HSD17B4: variants seen among roughly 807,000 people sequenced by gnomAD.
HSD17B4 encodes the protein hydroxysteroid 17-beta dehydrogenase 4.
HSD17B4 carries 70 observed loss-of-function variants against 101.0 expected under a neutral mutation model. That is an observed-to-expected ratio of 0.69 (90% CI 0.57 to 0.85). The LOEUF is 0.85. Ranked by LOEUF, HSD17B4 falls within the 40% of genes least tolerant of loss-of-function variation. HSD17B4 has a pLI of 0.00. For synonymous variants in HSD17B4, 347 were observed against 297.1 expected, an observed-to-expected ratio of 1.17 and a Z score of -1.73; for missense variants, 984 against 892.4, an observed-to-expected ratio of 1.10 and a Z score of -1.31.
chr5:119,481,101 T>A (rs575437036), intron 8 of HSD17B4, among the ~76,000 whole-genome samples: 1 of 152,238 alleles, frequency 6.6e-6, no homozygotes, highest in African/African-American at 2.4e-5. Context: ...ACATACATCC[T>A]CCTCGGCTGA....
intron 17 of HSD17B4, among the ~76,000 whole-genome samples, chr5:119,517,006 A>G (rs1316129025): frequency 6.6e-6 from 1 of 152,194 alleles, no homozygotes; most frequent in African/African-American, 2.4e-5. Flanking sequence ...CTTTGGCGGC[A>G]CTTGAGGAGC....
At chr5:119,534,496 C>A (rs1056704835) in intron 22 of HSD17B4, among the ~76,000 whole-genome samples, 2 of 152,024 alleles carry the variant, frequency 1.3e-5, no homozygotes, top group Non-Finnish European at 2.9e-5. Context: ...GGTTTGGGAA[C>A]TGGCATTCTT....
intron 16 of HSD17B4, among the ~76,000 whole-genome samples, chr5:119,511,888 C>T (rs115235402): frequency 0.014 from 2,168 of 152,128 alleles, 19 homozygotes; most frequent in African/African-American, 0.023. Context: ...GATGCATAGA[C>T]GGAAGAAACA....
At chr5:119,474,591 A>G in intron 4 of HSD17B4, 131 bp downstream of exon 4, 1 of 719,850 alleles carries the variant, frequency 1.4e-6, no homozygotes, top group Non-Finnish European at 2.5e-6. Context: ...TTGATTTATA[A>G]GTTAATTATT....
intron 2 of HSD17B4, among the ~76,000 whole-genome samples, chr5:119,459,385 C>G (rs1168306825): frequency 6.6e-6 from 1 of 152,172 alleles, no homozygotes; most frequent in African/African-American, 2.4e-5. Context: ...ATATGACTCA[C>G]TCTGCTCAAG....
chr5:119,517,137 CG>C (rs1752688766), intron 17 of HSD17B4, among the ~76,000 whole-genome samples: 1 of 152,098 alleles, frequency 6.6e-6, no homozygotes, highest in Non-Finnish European at 1.5e-5. Context: ...GGGCTGCGCG[CG>C]GCGCTCGCAG....
chr5:119,509,331 TG>T lies in HSD17B4; in HGVS notation c.1437+88del, dbSNP rs1751955078. 3 of 885,128 alleles carry T rather than the reference TG, an allele frequency of 3.4e-6. No homozygotes were observed. The Admixed American group carries it at 5.1e-5, about 15-fold the overall frequency. 54.8% of individuals were successfully genotyped at this position (885,128 alleles called of 1,614,324 possible). A position where few individuals can be genotyped will look rare whatever the true frequency, so the allele number is the denominator to read the frequency against. ...AGACTTGAACAGCATGAGTTTGAAC[TG>T]CATGAGCCCACTTATAGGCAAATTT... On this transcript the variant is annotated intron_variant, in intron 16 of 23. Coordinates refer to ENST00000510025, the MANE Select transcript of HSD17B4 (RefSeq NM_000414.4).
intron 2 of HSD17B4, among the ~76,000 whole-genome samples, chr5:119,465,365 G>C (rs922875098): frequency 1.3e-5 from 2 of 152,186 alleles, no homozygotes; most frequent in Non-Finnish European, 2.9e-5. Context: ...GGTGATAAGT[G>C]AGTTCTTACT....
chr5:119,507,232 A>G (rs1375185314), intron 15 of HSD17B4, among the ~76,000 whole-genome samples: 1 of 152,194 alleles, frequency 6.6e-6, no homozygotes, highest in Non-Finnish European at 1.5e-5. Flanking sequence ...TCCTCACTTG[A>G]CAATTAGGCT....
chr5:119,480,770 G>C (rs990889022), intron 8 of HSD17B4, among the ~76,000 whole-genome samples: 1 of 152,168 alleles, frequency 6.6e-6, no homozygotes, highest in Non-Finnish European at 1.5e-5. Context: ...CACCCCTGCA[G>C]TCTCAACCGT....
In HSD17B4 at chr5:119,472,943, A is replaced by G. The variant is rs138799229; in HGVS notation, c.113-965A>G. On this transcript the variant is annotated intron_variant, in intron 2 of 23. Coordinates refer to ENST00000510025, the MANE Select transcript of HSD17B4 (RefSeq NM_000414.4). ...CTTCAGAGTTTATTCATATTATCACATATTGCAGTATTTTATTCTTTTTAA... is the reference window on the plus strand; with the variant it reads ...CTTCAGAGTTTATTCATATTATCACGTATTGCAGTATTTTATTCTTTTTAA... Among the ~76,000 whole-genome samples, 371 of 152,340 alleles carry G rather than the reference A, an allele frequency of 2.4e-3. 1 individual carries two copies. Among genetic ancestry groups the G allele is most frequent in the African/African-American group, 8.8e-3 (364 of 41,574 alleles).
rs779377798 is a variant in HSD17B4, at chr5:119,499,565, A to G, written c.1209+12A>G. On this transcript the variant is annotated intron_variant, in intron 13 of 23. Transcript: ENST00000510025. ...TCAACTTTGCAAAGGTATGCCTAAT[A>G]AAAAACCTTTATTTTGCTTTTCTAT... 6.1e-5 allele frequency: 90 copies of G among 1,484,532 alleles called. No homozygotes were observed. The highest frequency in any genetic ancestry group is 6.9e-5 in the Non-Finnish European group (73 of 1,062,022). The allele number at this position is 1,484,532 out of a possible 1,614,324, so 92.0% of individuals were successfully genotyped here.
At position 119,474,388 on chromosome 5, in the gene HSD17B4, T is replaced by C; in HGVS notation, c.221-13T>C. 6.3e-7 allele frequency: 1 copy of C among 1,592,410 alleles called. No individual in the cohort carries two copies. Among genetic ancestry groups the C allele is most frequent in the Non-Finnish European group, 8.6e-7 (1 of 1,160,406 alleles). ...GGTTGCCGAAATTTCATACAAATTTTCCTTTCCCTCAGATTCAGTGGAAGA... is the reference window on the plus strand; with the variant it reads ...GGTTGCCGAAATTTCATACAAATTTCCCTTTCCCTCAGATTCAGTGGAAGA... On this transcript the variant is annotated splice_polypyrimidine_tract_variant and intron_variant, in intron 3 of 23. Transcript: ENST00000510025.
chr5:119,500,285 A>G (rs1038200483), intron 13 of HSD17B4, among the ~76,000 whole-genome samples: 3 of 152,058 alleles, frequency 2.0e-5, no homozygotes, highest in Admixed American at 6.6e-5. Flanking sequence ...TTTGTTCTGG[A>G]TAATTGGGAT....
intron 2 of HSD17B4, among the ~76,000 whole-genome samples, chr5:119,465,524 G>C (rs2126649557): frequency 6.6e-6 from 1 of 152,282 alleles, no homozygotes. Context: ...GTAGATGCTG[G>C]AGCTCTGCCT....
chr5:119,476,770 T>A (rs1748623826), intron 6 of HSD17B4: 5 of 871,792 alleles, frequency 5.7e-6, no homozygotes, highest in Non-Finnish European at 6.9e-6. Context: ...TACTCCTGAC[T>A]ACCCTTCTCC....
intron 6 of HSD17B4, 112 bp from the exon 7 acceptor site, chr5:119,477,305 T>C: frequency 1.3e-6 from 1 of 763,838 alleles, no homozygotes; most frequent in Non-Finnish European, 2.2e-6. Flanking sequence ...GGCAATTTTA[T>C]ACATTAGGTA....
At chr5:119,516,503 T>C (rs778131001) in intron 17 of HSD17B4, among the ~76,000 whole-genome samples, 37 of 152,192 alleles carry the variant, frequency 2.4e-4, no homozygotes, top group Non-Finnish European at 5.0e-4. Context: ...TAGGTTTTAA[T>C]ATTTTGCTGC....
At chr5:119,532,860 A>G (rs1273781699) in intron 22 of HSD17B4, among the ~76,000 whole-genome samples, 1 of 152,122 alleles carries the variant, frequency 6.6e-6, no homozygotes, top group Non-Finnish European at 1.5e-5. Flanking sequence ...CTCTAAAAAT[A>G]AACAGTTTTT....
Sources: allele counts gnomAD v4.1 joint callset (sites outside exome capture counted in the v4.1 genomes callset), GRCh38; gene constraint gnomAD v4.1.1; transcripts MANE v1.5; gene names NCBI Gene and HGNC (gene_info 2026-07-23, HGNC 2026-07-21).